The following AAGAB variants were observed in gnomAD, a reference collection of about 807,000 sequenced individuals.
AAGAB encodes the protein alpha and gamma adaptin binding protein.
A neutral mutation model predicts 44.1 loss-of-function variants in AAGAB; 38 were observed. That is an observed-to-expected ratio of 0.86 (90% CI 0.67 to 1.13). AAGAB has a LOEUF of 1.13. Ranked by LOEUF, AAGAB falls within the 50% of genes most tolerant of loss-of-function variation. AAGAB has a pLI of 0.00. For synonymous variants in AAGAB, 131 were observed against 131.8 expected, an observed-to-expected ratio of 0.99 and a Z score of 0.04; for missense variants, 450 against 373.8, an observed-to-expected ratio of 1.20 and a Z score of -1.68.
chr15:67,208,591 G>T lies in AAGAB; in HGVS notation c.686C>A (p.Thr229Lys), dbSNP rs1308216054. The T allele has an allele frequency of 6.2e-7, 1 of 1,613,982 alleles. No individual in the cohort carries two copies. The highest frequency in any genetic ancestry group is 8.5e-7 in the Non-Finnish European group (1 of 1,179,986). Residue 229 changes from threonine to lysine, a missense_variant, in exon 7 of 10, where the codon ACA (threonine) becomes AAA (lysine). Transcript: ENST00000261880. ...LSDHRGGASN[T>K]TDAQVDSIVD... is the part of the protein sequence containing the mutation. ...AATGCTATCAACCTGGGCATCTGTT[G>T]TGTTAGATGCACCACCCCGATGATC...
chr15:67,236,638 T>A lies in AAGAB; in HGVS notation c.256A>T (p.Ser86Cys). ...AGAAAACAAAGTCTTACTTGTGTGC[T>A]GTCAAAGTAAACCACAAATGCTTGG... is the stretch of plus-strand genomic sequence containing the variant. Reference protein sequence around the residue: ...SVQAFVVYFDSTQKSGLDSVS... With the variant: ...SVQAFVVYFDCTQKSGLDSVS... Residue 86 changes from serine (S) to cysteine (C), a missense_variant, in exon 2 of 10, where the codon AGC becomes TGC. Coordinates refer to ENST00000261880, the MANE Select transcript of AAGAB (RefSeq NM_024666.5). The A allele has an allele frequency of 6.2e-7, 1 of 1,613,030 alleles. No homozygotes were observed. Among genetic ancestry groups the A allele is most frequent in the Non-Finnish European group, 8.5e-7 (1 of 1,179,694 alleles).
intron 5 of AAGAB, among the ~76,000 whole-genome samples, chr15:67,224,447 C>T (rs1964152309): frequency 6.6e-6 from 1 of 152,146 alleles, no homozygotes; most frequent in African/African-American, 2.4e-5. Flanking sequence ...GATACTAGAC[C>T]ATACTAGAAA....
At chr15:67,205,873 C>A (rs1401655142) in intron 7 of AAGAB, among the ~76,000 whole-genome samples, 1 of 141,758 alleles carries the variant, frequency 7.1e-6, no homozygotes, top group South Asian at 2.2e-4. Context: ...TGCCTTAAAT[C>A]TTTTTCTTAA....
At position 67,229,181 on chromosome 15, in the gene AAGAB, C is replaced by G. The variant is rs186502324; in HGVS notation, c.535+2633G>C. 6.8e-4 allele frequency among the ~76,000 whole-genome samples: 104 copies of G among 152,264 alleles called. 4 individuals are homozygous for G. In the East Asian group the frequency reaches 0.012, roughly 18 times the overall value. On this transcript the variant is annotated intron_variant, in intron 5 of 9. Coordinates refer to ENST00000261880, the MANE Select transcript of AAGAB (RefSeq NM_024666.5). The stretch of plus-strand genomic sequence containing the variant: ...AGGCGGGGTGGCTCACGCCTGTAAT[C>G]CCAGCACTTTGGGAGGCCAAGGTGG...
At chr15:67,203,294 G>C (rs548087855) in intron 9 of AAGAB, among the ~76,000 whole-genome samples, 79 of 152,272 alleles carry the variant, frequency 5.2e-4, no homozygotes, top group African/African-American at 1.8e-3. Flanking sequence ...AGAGTTTTCT[G>C]GCCCAATAGT....
chr15:67,247,312 T>G (rs1235631073), intron 1 of AAGAB, among the ~76,000 whole-genome samples: 1 of 152,216 alleles, frequency 6.6e-6, no homozygotes, highest in African/African-American at 2.4e-5. Flanking sequence ...AAAAATGATT[T>G]TATATCAGAT....
chr15:67,249,193 C>A (rs187990212), intron 1 of AAGAB, among the ~76,000 whole-genome samples: 2 of 152,038 alleles, frequency 1.3e-5, no homozygotes, highest in African/African-American at 4.8e-5. Context: ...CACCACCACA[C>A]CCGGCTAATT....
chr15:67,246,365 C>T (rs986272797), intron 1 of AAGAB, among the ~76,000 whole-genome samples: 7 of 146,170 alleles, frequency 4.8e-5, no homozygotes, highest in Non-Finnish European at 1.0e-4. Context: ...GCACTCCAGC[C>T]TGCGTGACAG....
intron 1 of AAGAB, 192 bp downstream of exon 1, chr15:67,254,366 AG>A: frequency 7.3e-7 from 1 of 1,375,992 alleles, no homozygotes; most frequent in South Asian, 1.8e-5. Context: ...ACGCCGAAGA[AG>A]GCCGAGTGGG....
intron 1 of AAGAB, 61 bp downstream of exon 1, chr15:67,254,498 G>T (rs543843488): frequency 3.3e-6 from 5 of 1,534,394 alleles, no homozygotes; most frequent in Admixed American, 2.0e-5. Context: ...CGTGGTGCTG[G>T]GTCCGTCGCC....
chr15:67,246,635 CAG>C (rs1964730688), intron 1 of AAGAB, among the ~76,000 whole-genome samples: 2 of 151,822 alleles, frequency 1.3e-5, no homozygotes, highest in Non-Finnish European at 2.9e-5. Flanking sequence ...ACACACCAAT[CAG>C]CACTCTGTAA....
intron 1 of AAGAB, among the ~76,000 whole-genome samples, chr15:67,246,925 T>C (rs1806055589): frequency 1.3e-5 from 2 of 152,188 alleles, no homozygotes; most frequent in Non-Finnish European, 2.9e-5. Flanking sequence ...CAGCAACCCG[T>C]TCGGGTCCCC....
chr15:67,245,269 A>G (rs1964693915), intron 1 of AAGAB, among the ~76,000 whole-genome samples: 1 of 152,252 alleles, frequency 6.6e-6, no homozygotes, highest in East Asian at 1.9e-4. Context: ...ATGTCCATCA[A>G]CTGATGAATG....
At chr15:67,255,087 A>C, upstream of AAGAB, 1 of 801,786 alleles carries the variant, frequency 1.2e-6, no homozygotes, top group Non-Finnish European at 2.1e-6. Context: ...GCTCCCAAAA[A>C]TGCCCACCCA....
In AAGAB at chr15:67,222,282, A is replaced by ACACACACACCCC. The variant is rs796412643; in HGVS notation, c.535+9531_535+9532insGGGGTGTGTGTG. The stretch of plus-strand genomic sequence containing the variant: ...CACACACACACACACACACACACAC[A>ACACACACACCCC]CCCTCCACCCATGCTGCCTGACTTT... On this transcript the variant is annotated intron_variant, in intron 5 of 9. Coordinates refer to ENST00000261880, the MANE Select transcript of AAGAB (RefSeq NM_024666.5). Among the ~76,000 whole-genome samples the ACACACACACCCC allele has an allele frequency of 5.0e-5, 7 of 139,932 alleles. No individual in the cohort carries two copies. The East Asian group carries it at 6.9e-4, about 14-fold the overall frequency. 91.8% of individuals were successfully genotyped at this position (139,932 alleles called of 152,430 possible).
At chr15:67,253,081 C>G (rs1964912474) in intron 1 of AAGAB, among the ~76,000 whole-genome samples, 1 of 152,184 alleles carries the variant, frequency 6.6e-6, no homozygotes, top group Non-Finnish European at 1.5e-5. Context: ...ATGTGCCAGA[C>G]TCGGGGATAA....
At position 67,202,195 on chromosome 15, in the gene AAGAB, C is replaced by T. The variant is rs1963584307; in HGVS notation, c.*626G>A. ...TAGAAATCCTTTGCCTCATTTATTACAGTCTAAAAATCCACACTGGCTTTT... is the reference window on the plus strand; with the variant it reads ...TAGAAATCCTTTGCCTCATTTATTATAGTCTAAAAATCCACACTGGCTTTT... On this transcript the variant is annotated 3_prime_UTR_variant, in exon 10 of 10. Transcript: ENST00000261880. The T allele has an allele frequency of 6.6e-6, 1 of 152,572 alleles. No homozygotes were observed. The highest frequency in any genetic ancestry group is 2.4e-5 in the African/African-American group (1 of 41,466). 9.5% of individuals were successfully genotyped at this position (152,572 alleles called of 1,614,324 possible).
Position 67,204,100 on chromosome 15 carries a change from C to T in AAGAB, c.764G>A (p.Gly255Glu), listed in dbSNP as rs1046940979. 1.9e-6 allele frequency: 3 copies of T among 1,612,682 alleles called. No homozygotes were observed. Among genetic ancestry groups the T allele is most frequent in the Non-Finnish European group, 2.5e-6 (3 of 1,178,914 alleles). ...TTCAAAATTCTCCACATCTCCTCCTCCAGTGGTAAGACTGGCTAATTCTTG... is the reference window on the plus strand; with the variant it reads ...TTCAAAATTCTCCACATCTCCTCCTTCAGTGGTAAGACTGGCTAATTCTTG... The part of the protein sequence containing the change: ...DIQELASLTT[G>E]GGDVENFERL... The change falls in exon 8 of 10, where the codon GGA becomes GAA. Residue 255 changes from glycine to glutamate, a missense_variant. Transcript: ENST00000261880.
intron 5 of AAGAB, among the ~76,000 whole-genome samples, chr15:67,228,395 A>G (rs1375563424): frequency 6.6e-6 from 1 of 152,224 alleles, no homozygotes; most frequent in Non-Finnish European, 1.5e-5. Flanking sequence ...CTTAATTTGA[A>G]TTTGTTCTGG....
Sources: gnomAD v4.1 joint callset for allele counts (sites outside exome capture counted in the v4.1 genomes callset) on GRCh38, gnomAD v4.1.1 for gene constraint, MANE v1.5 for transcripts, NCBI Gene and HGNC (gene_info 2026-07-23, HGNC 2026-07-21) for gene names.